The following SHANK2 variants were observed in gnomAD, a reference collection of about 807,000 sequenced individuals.
SHANK2 encodes the protein SH3 and multiple ankyrin repeat domains protein 2.
Under a neutral mutation model 133.7 loss-of-function variants are expected in SHANK2, and 43 were observed. The ratio of observed to expected loss-of-function variants is 0.32; its 90% CI spans 0.25 to 0.41. The LOEUF is 0.41. SHANK2 is among the 10% of genes least tolerant of loss of function. The pLI is 1.00. For missense variants in SHANK2, 1,994 were observed against 2,235.8 expected, an observed-to-expected ratio of 0.89 and a Z score of 2.18; for synonymous variants, 1,017 against 952.8, an observed-to-expected ratio of 1.07 and a Z score of -1.24.
At chr11:70,647,857 G>A (rs1224196768) in intron 17 of SHANK2, among the ~76,000 whole-genome samples, 1 of 152,208 alleles carries the variant, frequency 6.6e-6, no homozygotes, top group Non-Finnish European at 1.5e-5. Flanking sequence ...GGACTCTGGG[G>A]TGTGCATCAG....
intron 17 of SHANK2, among the ~76,000 whole-genome samples, chr11:70,572,264 A>T (rs2060055107): frequency 6.6e-6 from 1 of 152,174 alleles, no homozygotes; most frequent in South Asian, 2.1e-4. Context: ...GGTTCAAGGG[A>T]TTCTCCTGCC....
At chr11:70,594,016 G>A (rs1747134867) in intron 17 of SHANK2, among the ~76,000 whole-genome samples, 1 of 152,152 alleles carries the variant, frequency 6.6e-6, no homozygotes, top group Admixed American at 6.5e-5. Context: ...CAGAAAGAAG[G>A]GTGGACCAGA....
At chr11:71,192,017 T>C (rs1953803558) in intron 2 of SHANK2, among the ~76,000 whole-genome samples, 1 of 151,580 alleles carries the variant, frequency 6.6e-6, no homozygotes. Context: ...CACAATACCA[T>C]ACCTGGATAA....
intron 10 of SHANK2, among the ~76,000 whole-genome samples, chr11:70,919,279 C>T (rs946833447): frequency 3.9e-5 from 6 of 152,108 alleles, no homozygotes; most frequent in African/African-American, 9.7e-5. Context: ...GTGGTGAGAA[C>T]ACTCAAATTT....
intron 3 of SHANK2, among the ~76,000 whole-genome samples, chr11:71,126,864 T>C (rs112476941): frequency 0.06 from 9,119 of 151,306 alleles, 843 homozygotes; most frequent in African/African-American, 0.21. Context: ...CCCACCACCC[T>C]ACCCAGCCAA....
chr11:70,477,768 T>G (rs782371474), intron 25 of SHANK2, among the ~76,000 whole-genome samples: 4 of 152,214 alleles, frequency 2.6e-5, no homozygotes, highest in Non-Finnish European at 4.4e-5. Context: ...AGTAACCGCC[T>G]GTGAGTGTGA....
intron 10 of SHANK2, among the ~76,000 whole-genome samples, chr11:70,927,520 C>T (rs1464785558): frequency 6.6e-6 from 1 of 151,808 alleles, no homozygotes; most frequent in Non-Finnish European, 1.5e-5. Context: ...GAAAAGAACC[C>T]CAGAGAGCAG....
intron 2 of SHANK2, among the ~76,000 whole-genome samples, chr11:71,184,513 C>T (rs1953632999): frequency 6.6e-6 from 1 of 152,196 alleles, no homozygotes; most frequent in Admixed American, 6.5e-5. Context: ...ACCCACTGGG[C>T]TGCAGCAGCT....
chr11:71,155,835 T>C (rs188980916), intron 2 of SHANK2, among the ~76,000 whole-genome samples: 8 of 152,262 alleles, frequency 5.3e-5, no homozygotes, highest in African/African-American at 1.9e-4. Flanking sequence ...CACTGTGAGC[T>C]GAACTGTGTC....
intron 2 of SHANK2, among the ~76,000 whole-genome samples, chr11:71,193,334 AGTGTGTGTGTGCATGCACACATACAT>A (rs1463202954): frequency 6.6e-6 from 1 of 151,990 alleles, no homozygotes; most frequent in African/African-American, 2.4e-5. Flanking sequence ...TGTGTGTGGG[AGTGTGTGTGTGCATGCACACATACAT>A]GTATATGTGT....
At chr11:71,129,677 G>A (rs1952260358) in intron 3 of SHANK2, among the ~76,000 whole-genome samples, 1 of 152,084 alleles carries the variant, frequency 6.6e-6, no homozygotes, top group South Asian at 2.1e-4. Flanking sequence ...GAGACAGTGA[G>A]GGAAGGTCAC....
intron 11 of SHANK2, among the ~76,000 whole-genome samples, chr11:70,887,459 C>T (rs768273453): frequency 2.8e-4 from 42 of 151,608 alleles, no homozygotes; most frequent in Non-Finnish European, 5.1e-4. Context: ...CAGAACGCTT[C>T]GCGGCAGGCT....
intron 24 of SHANK2, among the ~76,000 whole-genome samples, chr11:70,488,157 A>T (rs1176697756): frequency 6.6e-6 from 1 of 152,056 alleles, no homozygotes. Context: ...CTAGACCAGG[A>T]GGTATCCTTC....
At chr11:71,194,845 G>A (rs1953866745) in intron 2 of SHANK2, among the ~76,000 whole-genome samples, 1 of 152,166 alleles carries the variant, frequency 6.6e-6, no homozygotes, top group Admixed American at 6.5e-5. Context: ...GCTGCAGAGA[G>A]CAAGGACCAT....
chr11:70,843,502 A>G lies in SHANK2; in HGVS notation c.1175-22820T>C, dbSNP rs9734568. 6.1e-3 allele frequency among the ~76,000 whole-genome samples: 925 copies of G among 152,086 alleles called. 9 individuals carry two copies. The highest frequency in any genetic ancestry group is 0.02 in the African/African-American group (828 of 41,480). On this transcript the variant is annotated intron_variant, in intron 11 of 25. Transcript: ENST00000601538. ...CAGAGTCCTTCACAGTGGTTAAGTT[A>G]AAGGGAGGCCACTAGGGTGGGCCCA...
At chr11:71,154,962 C>T (rs549845525) in intron 2 of SHANK2, among the ~76,000 whole-genome samples, 74 of 115,458 alleles carry the variant, frequency 6.4e-4, no homozygotes, top group Non-Finnish European at 1.0e-3. Flanking sequence ...GACCTACCCC[C>T]GCCCACGCTC....
chr11:71,086,860 G>T (rs1236252560), intron 8 of SHANK2, among the ~76,000 whole-genome samples: 1 of 152,208 alleles, frequency 6.6e-6, no homozygotes, highest in Non-Finnish European at 1.5e-5. Context: ...CAAGGGCCCT[G>T]CAGATGAATG....
chr11:70,946,259 C>A (rs1555085388), intron 10 of SHANK2, among the ~76,000 whole-genome samples: 1 of 121,012 alleles, frequency 8.3e-6, no homozygotes, highest in Admixed American at 8.1e-5. Flanking sequence ...CAACCCTTTC[C>A]AGGCTCAACC....
At chr11:71,141,118 T>C (rs1175373021) in intron 3 of SHANK2, among the ~76,000 whole-genome samples, 1 of 152,232 alleles carries the variant, frequency 6.6e-6, no homozygotes, top group Non-Finnish European at 1.5e-5. Context: ...GCTGGCGTCC[T>C]ACGCCTTCCT....
Sources: gnomAD v4.1 joint callset for allele counts (sites outside exome capture counted in the v4.1 genomes callset) on GRCh38, gnomAD v4.1.1 for gene constraint, MANE v1.5 for transcripts, NCBI Gene and HGNC (gene_info 2026-07-23, HGNC 2026-07-21) for gene names.